UNC45B: variants seen among roughly 807,000 people sequenced by gnomAD.
UNC45B encodes unc-45 myosin chaperone B.
In UNC45B, 78 loss-of-function variants were observed where a neutral mutation model predicts 98.7. The ratio of observed to expected loss-of-function variants is 0.79; its 90% confidence interval spans 0.66 to 0.95. The LOEUF (loss-of-function observed/expected upper bound fraction) is 0.95. UNC45B is among the 40% of genes least tolerant of loss of function. The probability of loss-of-function intolerance (pLI) is 0.00; values close to 1 mark genes in which losing one functional copy is unlikely to be tolerated. For missense variants in UNC45B, 1,225 were observed against 1,184.9 expected (o/e 1.03, Z -0.50); for synonymous variants, 462 against 480.4 (o/e 0.96, Z 0.50).
intron 8 of UNC45B, 109 bp downstream of exon 8, chr17:35,159,654 C>T: frequency 7.8e-7 from 1 of 1,284,026 alleles, no homozygotes. Flanking sequence ...TCAGTTCTAA[C>T]TGAAAAGATG....
At chr17:35,181,248 G>A (rs1417189484) in intron 18 of UNC45B, among the ~76,000 whole-genome samples, 1 of 152,162 alleles carries the variant, frequency 6.6e-6, no homozygotes, top group East Asian at 1.9e-4. Flanking sequence ...TCCAGTCATG[G>A]GACAAATGAT....
Position 35,188,201 on chromosome 17 carries a change from T to C in UNC45B, c.*1642T>C, listed in dbSNP as rs1403096898. 2.0e-5 allele frequency: 3 copies of C among 152,266 alleles called. No homozygotes were observed. The highest frequency in any genetic ancestry group is 7.2e-5 in the African/African-American group (3 of 41,474). 9.4% of individuals were successfully genotyped at this position (152,266 alleles called of 1,614,324 possible). ...ACAGCAGGAAACTATATTCATCATA[T>C]CCTTATTATGATAGAGAATGACAAC... On this transcript the variant is annotated 3_prime_UTR_variant, in exon 20 of 20. Coordinates refer to ENST00000394570, the MANE Select transcript of UNC45B (RefSeq NM_001267052.2).
chr17:35,157,296 G>T (rs1345784055), intron 7 of UNC45B, among the ~76,000 whole-genome samples: 1 of 151,902 alleles, frequency 6.6e-6, no homozygotes, highest in Admixed American at 6.6e-5. Flanking sequence ...CTGGAGTGCG[G>T]TGGCACGATC....
chr17:35,161,169 T>C (rs2092099888), intron 8 of UNC45B, among the ~76,000 whole-genome samples: 1 of 152,244 alleles, frequency 6.6e-6, no homozygotes. Flanking sequence ...CCACGTGTTA[T>C]GGGATGGGAC....
chr17:35,149,792 G>T (rs2092002994), intron 3 of UNC45B, among the ~76,000 whole-genome samples: 1 of 152,164 alleles, frequency 6.6e-6, no homozygotes, highest in Non-Finnish European at 1.5e-5. Context: ...CCCCTGGCAG[G>T]GATCCTGTAG....
chr17:35,187,863 C>T lies in UNC45B; in HGVS notation c.*1304C>T, dbSNP rs1233463931. On this transcript the variant is annotated 3_prime_UTR_variant, in exon 20 of 20. Transcript: ENST00000394570. ...TCACTCCAGTATGTCCCAATTCTAC[C>T]TACGTTTATTGAAGGGTCAACAGTT... 1 of 152,198 alleles carries T rather than the reference C, an allele frequency of 6.6e-6. No individual in the cohort carries two copies. Among genetic ancestry groups the T allele is most frequent in the Non-Finnish European group, 1.5e-5 (1 of 68,034 alleles). 9.4% of individuals were successfully genotyped at this position (152,198 alleles called of 1,614,324 possible). A position where few individuals can be genotyped will look rare whatever the true frequency, so the allele number is the denominator to read the frequency against.
rs2092315483 is a variant in UNC45B, at chr17:35,188,342, T to A, written c.*1783T>A. The stretch of plus-strand genomic sequence containing the variant: ...GTGGGCTTGAGTGGGTGTATTTAGC[T>A]CCTTTAAAGGAAACTCTTTCACAGG... On this transcript the variant is annotated 3_prime_UTR_variant, in exon 20 of 20. Transcript: ENST00000394570. 6.6e-6 allele frequency: 1 copy of A among 152,162 alleles called. No homozygotes were observed. 9.4% of individuals were successfully genotyped at this position (152,162 alleles called of 1,614,324 possible).
At chr17:35,186,116 A>C (rs2092301761) in intron 19 of UNC45B, among the ~76,000 whole-genome samples, 183 bp from the exon 20 acceptor site, 1 of 152,172 alleles carries the variant, frequency 6.6e-6, no homozygotes, top group Non-Finnish European at 1.5e-5. Flanking sequence ...TGAGAGCAAG[A>C]ACTCACTGCT....
chr17:35,168,194 C>T lies in UNC45B; in HGVS notation c.1285C>T (p.Leu429=). Reference sequence around the variant, plus strand: ...AGGTGTGATGGAGATGATGGTGGCACTATGTGGCTCAGAGCGCGAGACGGA... The same window carrying T: ...AGGTGTGATGGAGATGATGGTGGCATTATGTGGCTCAGAGCGCGAGACGGA... ...LKGVMEMMVA[L]CGSERETDQL... The change falls in exon 10 of 20, where the codon CTA becomes TTA. Residue 429 remains leucine, a synonymous_variant. Transcript: ENST00000394570. 1 of 1,604,282 alleles carries T rather than the reference C, an allele frequency of 6.2e-7. No homozygotes were observed. The highest frequency in any genetic ancestry group is 8.5e-7 in the Non-Finnish European group (1 of 1,174,952).
At position 35,187,006 on chromosome 17, in the gene UNC45B, ACT is replaced by A; in HGVS notation, c.*448_*449del. On this transcript the variant is annotated 3_prime_UTR_variant, in exon 20 of 20. Coordinates refer to ENST00000394570, the MANE Select transcript of UNC45B (RefSeq NM_001267052.2). ...GCTGTTTTCATGACCTCTCTCCCAC[ACT>A]ATTTGAATCAGTCTGTTCAGAACTG... 1 of 180,610 alleles carries A rather than the reference ACT, an allele frequency of 5.5e-6. No homozygotes were observed. Among genetic ancestry groups the A allele is most frequent in the East Asian group, 1.4e-4 (1 of 6,988 alleles). 11.2% of individuals were successfully genotyped at this position (180,610 alleles called of 1,614,324 possible).
intron 18 of UNC45B, among the ~76,000 whole-genome samples, chr17:35,181,889 A>G (rs924649830): frequency 2.0e-5 from 3 of 151,746 alleles, no homozygotes; most frequent in Non-Finnish European, 4.4e-5. Flanking sequence ...CCTGGCAGCC[A>G]TAGGGGAGAC....
intron 8 of UNC45B, among the ~76,000 whole-genome samples, chr17:35,161,317 G>A (rs2092100698): frequency 6.6e-6 from 1 of 152,208 alleles, no homozygotes; most frequent in South Asian, 2.1e-4. Context: ...TATGTGTTGT[G>A]CAAACTGGGC....
At chr17:35,171,592 T>A in intron 13 of UNC45B, 130 bp downstream of exon 13, 1 of 1,002,334 alleles carries the variant, frequency 1.0e-6, no homozygotes, top group East Asian at 2.7e-5. Context: ...AAGATACACA[T>A]ACATTGAATA....
chr17:35,158,462 C>T (rs1400204392), intron 7 of UNC45B, among the ~76,000 whole-genome samples: 1 of 152,132 alleles, frequency 6.6e-6, no homozygotes. Context: ...CATAAGCAGC[C>T]CAGGGCCAGT....
chr17:35,175,804 C>T (rs1439745085), intron 14 of UNC45B, among the ~76,000 whole-genome samples, 164 bp from the exon 15 acceptor site: 1 of 152,204 alleles, frequency 6.6e-6, no homozygotes, highest in Non-Finnish European at 1.5e-5. Flanking sequence ...ATGTCATCTT[C>T]CCAAAGTGGT....
At position 35,180,551 on chromosome 17, in the gene UNC45B, T is replaced by C. The variant is rs200256040; in HGVS notation, c.2256-8T>C. The stretch of plus-strand genomic sequence containing the variant: ...AAGGGTCTTTCTTCCTCCACCCTCC[T>C]ACCCTAGGCAGAAGATCTTTAAGGA... On this transcript the variant is annotated splice_region_variant and splice_polypyrimidine_tract_variant and intron_variant, in intron 17 of 19. Coordinates refer to ENST00000394570, the MANE Select transcript of UNC45B (RefSeq NM_001267052.2). 202 of 1,612,200 alleles carry C rather than the reference T, an allele frequency of 1.3e-4. 2 individuals are homozygous for C. In the East Asian group the frequency reaches 3.6e-3, roughly 29 times the overall value.
intron 17 of UNC45B, among the ~76,000 whole-genome samples, chr17:35,178,227 C>A (rs1414840954): frequency 6.6e-6 from 1 of 152,144 alleles, no homozygotes; most frequent in East Asian, 1.9e-4. Flanking sequence ...TAGTAATGAT[C>A]ACCATTCTAA....
Position 35,171,474 on chromosome 17 carries a change from CG to C in UNC45B, c.1830+13del, listed in dbSNP as rs1567763878. ...AGGAACACCCCAAGGTAGGGTCAGG[CG>C]CGACCCGGGAGGGGTCTGGTCTGTG... On this transcript the variant is annotated intron_variant, in intron 13 of 19. Transcript: ENST00000394570. The C allele has an allele frequency of 6.2e-7, 1 of 1,613,228 alleles. No homozygotes were observed. The highest frequency in any genetic ancestry group is 8.5e-7 in the Non-Finnish European group (1 of 1,179,524).
chr17:35,177,438 G>C, intron 16 of UNC45B, 57 bp from the exon 17 acceptor site: 1 of 1,289,350 alleles, frequency 7.8e-7, no homozygotes, highest in Non-Finnish European at 1.1e-6. Context: ...CTATAAATGT[G>C]AGGCACTCAG....
Sources: gnomAD v4.1 joint callset for allele counts (sites outside exome capture counted in the v4.1 genomes callset) on GRCh38, gnomAD v4.1.1 for gene constraint, MANE v1.5 for transcripts, NCBI Gene and HGNC (gene_info 2026-07-23, HGNC 2026-07-21) for gene names.